Variants in TRANK1 observed in about 807,000 individuals in gnomAD.
TRANK1 encodes the protein TPR and ankyrin repeat-containing protein 1.
A neutral mutation model predicts 266.0 loss-of-function variants in TRANK1; 198 were observed. The ratio of observed to expected loss-of-function variants is 0.74; its 90% confidence interval spans 0.66 to 0.84. The LOEUF (loss-of-function observed/expected upper bound fraction) is 0.84. Ranked by LOEUF, TRANK1 falls within the 40% of genes least tolerant of loss-of-function variation. The probability of loss-of-function intolerance (pLI) is 0.00; values close to 1 mark genes in which losing one functional copy is unlikely to be tolerated. For synonymous variants in TRANK1, 1,396 were observed against 1,384.1 expected, an observed-to-expected ratio of 1.01 and a Z score of -0.19; for missense variants, 3,326 against 3,634.6, an observed-to-expected ratio of 0.92 and a Z score of 2.18.
chr3:36,905,393 AG>A (rs1349259711), intron 2 of TRANK1, among the ~76,000 whole-genome samples: 1 of 152,048 alleles, frequency 6.6e-6, no homozygotes, highest in Non-Finnish European at 1.5e-5. Flanking sequence ...TGAGGTCATG[AG>A]GGTGGAGTCC....
intron 4 of TRANK1, among the ~76,000 whole-genome samples, chr3:36,898,876 C>G (rs905863386): frequency 6.6e-6 from 1 of 150,802 alleles, no homozygotes; most frequent in Non-Finnish European, 1.5e-5. Context: ...AATCTGAAAC[C>G]AAACTCTCAA....
In TRANK1 at chr3:36,831,894, C is replaced by G; in HGVS notation, c.7689G>C (p.Leu2563=). 1 of 1,614,032 alleles carries G rather than the reference C, an allele frequency of 6.2e-7. No homozygotes were observed. Among genetic ancestry groups the G allele is most frequent in the Non-Finnish European group, 8.5e-7 (1 of 1,179,894 alleles). ...YVVSGEAERT[L]VLCLVMLVNA... is the part of the protein sequence containing the mutation. ...TCACTAGCATCACCAAGCACAGCACCAGTGTCCGCTCAGCCTCACCCGAGA... is the reference window on the plus strand; with the variant it reads ...TCACTAGCATCACCAAGCACAGCACGAGTGTCCGCTCAGCCTCACCCGAGA... Residue 2563 remains leucine (L), a synonymous_variant, in exon 22 of 24, where the codon CTG becomes CTC. Transcript: ENST00000645898. This position sits in a 1 kb window ranked among gnomAD's most constrained non-coding sequence, Gnocchi z 5.0.
At chr3:36,844,787 A>G (rs1376712208) in intron 17 of TRANK1, among the ~76,000 whole-genome samples, 1 of 152,216 alleles carries the variant, frequency 6.6e-6, no homozygotes, top group East Asian at 1.9e-4. Flanking sequence ...CTAGTCGCCA[A>G]CCGAGCCATC....
rs760387536 is a variant in TRANK1 at position 36,927,438 on chromosome 3, T to A, written c.23+17349A>T. ...GCCCTCCTGCACAAATAACTTACAATCTTCCTTCACCCAACTATCACCAGA... is the reference window on the plus strand; with the variant it reads ...GCCCTCCTGCACAAATAACTTACAAACTTCCTTCACCCAACTATCACCAGA... On this transcript the variant is annotated intron_variant, in intron 1 of 23. Coordinates refer to ENST00000645898, the MANE Select transcript of TRANK1 (RefSeq NM_001329998.2). Among the ~76,000 whole-genome samples, 53 of 152,130 alleles carry A rather than the reference T, an allele frequency of 3.5e-4. 1 individual carries two copies. The highest frequency in any genetic ancestry group is 5.9e-4 in the Admixed American group (9 of 15,252).
chr3:36,878,748 A>AC lies in TRANK1; in HGVS notation c.908-4453dup, dbSNP rs370649238. 5.0e-3 allele frequency among the ~76,000 whole-genome samples: 726 copies of AC among 144,718 alleles called. 3 individuals are homozygous for AC. Among genetic ancestry groups the AC allele is most frequent in the Non-Finnish European group, 6.6e-3 (439 of 66,066 alleles). The allele number at this position is 144,718 out of a possible 152,430, so 94.9% of individuals were successfully genotyped here. ...ACCTATATAATAAACCTGCAAAAGT[A>AC]CCCCCCCCGAACCTAAAATGAAAGT... On this transcript the variant is annotated intron_variant, in intron 8 of 23. Transcript: ENST00000645898.
At chr3:36,904,101 G>A (rs879399980) in intron 2 of TRANK1, among the ~76,000 whole-genome samples, 1 of 151,750 alleles carries the variant, frequency 6.6e-6, no homozygotes, top group African/African-American at 2.4e-5. Context: ...GATTACAGGT[G>A]CACACCACCA....
intron 3 of TRANK1, among the ~76,000 whole-genome samples, chr3:36,901,029 A>AG (rs2079873031): frequency 6.6e-6 from 1 of 151,478 alleles, no homozygotes; most frequent in South Asian, 2.1e-4. Flanking sequence ...AGGAAAAAAA[A>AG]GTGTGTTTCG....
intron 11 of TRANK1, among the ~76,000 whole-genome samples, 151 bp from the exon 12 acceptor site, chr3:36,859,045 CA>C: frequency 6.6e-6 from 1 of 152,208 alleles, no homozygotes. Context: ...TTCTGGGAGG[CA>C]AAGGCTTCTG....
At chr3:36,905,172 C>A (rs1437534309) in intron 2 of TRANK1, among the ~76,000 whole-genome samples, 1 of 151,884 alleles carries the variant, frequency 6.6e-6, no homozygotes, top group Non-Finnish European at 1.5e-5. Flanking sequence ...CCTGTAGTCC[C>A]AGCTACTCGG....
chr3:36,903,433 A>C (rs1268404087), intron 2 of TRANK1, among the ~76,000 whole-genome samples, 158 bp from the exon 3 acceptor site: 1 of 152,226 alleles, frequency 6.6e-6, no homozygotes, highest in African/African-American at 2.4e-5. Context: ...ACCCCAAACG[A>C]GCCTGGAACA....
chr3:36,921,338 T>TC (rs1294737646), intron 1 of TRANK1, among the ~76,000 whole-genome samples: 1 of 152,188 alleles, frequency 6.6e-6, no homozygotes, highest in Non-Finnish European at 1.5e-5. Context: ...TCACCATTAC[T>TC]CCATTCACGA....
chr3:36,916,371 C>T (rs1406105627), intron 1 of TRANK1, among the ~76,000 whole-genome samples: 2 of 152,132 alleles, frequency 1.3e-5, no homozygotes, highest in East Asian at 3.9e-4. Flanking sequence ...CAAGACTAGC[C>T]TGACCAACAT....
rs2078733221 is a variant in TRANK1, at chr3:36,833,897, T to C, written c.5686A>G (p.Lys1896Glu). Residue 1896 changes from lysine to glutamate, a missense_variant, in exon 22 of 24, where the codon AAG becomes GAG. By Grantham distance (56) the Lys-to-Glu change is moderately conservative (BLOSUM62 1). Coordinates refer to ENST00000645898, the MANE Select transcript of TRANK1 (RefSeq NM_001329998.2). ...VEKYEEMLKTKTLPISKLSYS... is the reference protein window; with the variant it reads ...VEKYEEMLKTETLPISKLSYS... ...GAGAGCTTGGAAATGGGAAGGGTCT[T>C]AGTCTTTAGCATTTCTTCATACCTG... is the stretch of plus-strand genomic sequence containing the variant. 1.2e-6 allele frequency: 2 copies of C among 1,610,614 alleles called. No homozygotes were observed. Among genetic ancestry groups the C allele is most frequent in the African/African-American group, 2.7e-5 (2 of 74,906 alleles).
intron 1 of TRANK1, among the ~76,000 whole-genome samples, chr3:36,930,246 A>C (rs2080343154): frequency 6.6e-6 from 1 of 152,098 alleles, no homozygotes; most frequent in Non-Finnish European, 1.5e-5. Context: ...AGCGGGGAGG[A>C]GTGATGAGGA....
At chr3:36,865,014 T>G (rs1358462667) in intron 9 of TRANK1, among the ~76,000 whole-genome samples, 1 of 147,280 alleles carries the variant, frequency 6.8e-6, no homozygotes, top group East Asian at 2.1e-4. Context: ...GGGGTTTTTT[T>G]GTTTTTTTGG....
intron 1 of TRANK1, among the ~76,000 whole-genome samples, chr3:36,920,314 T>C (rs940823915): frequency 2.0e-5 from 3 of 152,196 alleles, no homozygotes; most frequent in Non-Finnish European, 4.4e-5. Context: ...TCTTGGGACC[T>C]TTGAAGTGGC....
At chr3:36,942,057 T>A (rs1045913491) in intron 1 of TRANK1, among the ~76,000 whole-genome samples, 10 of 152,142 alleles carry the variant, frequency 6.6e-5, no homozygotes, top group Admixed American at 2.6e-4. Context: ...CACTTTACCT[T>A]CCCCAAACAG....
chr3:36,856,333 C>G lies in TRANK1; in HGVS notation c.3389G>C (p.Gly1130Ala), dbSNP rs1053118958. Residue 1130 changes from glycine (G) to alanine (A), a missense_variant, in exon 13 of 24, where the codon GGG (glycine) becomes GCG (alanine). Coordinates refer to ENST00000645898, the MANE Select transcript of TRANK1 (RefSeq NM_001329998.2). ...EVEPGKESPG[G>A]EEEEEEEDEE... The stretch of plus-strand genomic sequence containing the variant: ...GTCCTCTTCCTCCTCCTCTTCCTCC[C>G]CACCTGGACTCTCTTTTCCGGGTTC... The G allele has an allele frequency of 3.2e-6, 5 of 1,573,590 alleles. No individual in the cohort carries two copies. Among genetic ancestry groups the G allele is most frequent in the Non-Finnish European group, 4.3e-6 (5 of 1,159,582 alleles).
At chr3:36,840,684 C>T (rs945183819) in intron 18 of TRANK1, among the ~76,000 whole-genome samples, 3 of 152,228 alleles carry the variant, frequency 2.0e-5, no homozygotes, top group Admixed American at 6.5e-5. Flanking sequence ...CGTGAACAAA[C>T]CCAGACTAGC....
Sources: gnomAD v4.1 joint callset for allele counts (sites outside exome capture counted in the v4.1 genomes callset) on GRCh38, gnomAD v4.1.1 for gene constraint, Gnocchi (gnomAD v3.1) non-coding constraint, MANE v1.5 for transcripts, NCBI Gene and HGNC (gene_info 2026-07-23, HGNC 2026-07-21) for gene names.